SLC66A2: variants seen among roughly 807,000 people sequenced by gnomAD.
The protein encoded by SLC66A2 is PQ loop repeat containing 1.
A neutral mutation model predicts 25.5 loss-of-function variants in SLC66A2; 23 were observed. The ratio of observed to expected loss-of-function variants is 0.90; its 90% CI spans 0.65 to 1.28. The LOEUF (loss-of-function observed/expected upper bound fraction) is 1.28. Ranked by LOEUF, SLC66A2 falls within the 50% of genes most tolerant of loss-of-function variation. The pLI is 0.00. For synonymous variants in SLC66A2, 193 were observed against 166.5 expected (o/e 1.16, Z -1.23); for missense variants, 396 against 373.1 (o/e 1.06, Z -0.51).
intron 2 of SLC66A2, chr18:79,944,405 T>C: frequency 6.6e-6 from 1 of 151,494 alleles, no homozygotes. Context: ...CCCGAGCTCC[T>C]CTAGCTGCAG....
intron 2 of SLC66A2, among the ~76,000 whole-genome samples, chr18:79,947,059 G>C (rs539243127): frequency 6.6e-6 from 1 of 152,276 alleles, no homozygotes; most frequent in South Asian, 2.1e-4. Flanking sequence ...AAAATGTTAT[G>C]ACCTCTCTGA....
chr18:79,948,357 TTTTC>T (rs1471268395), intron 2 of SLC66A2, among the ~76,000 whole-genome samples: 4 of 143,876 alleles, frequency 2.8e-5, no homozygotes, highest in Non-Finnish European at 4.8e-5. Context: ...AGATAGATTC[TTTTC>T]TTTCTTTTTT....
In SLC66A2 at chr18:79,904,284, CA is replaced by C; in HGVS notation, c.609-102del. On this transcript the variant is annotated intron_variant, in intron 5 of 5. Coordinates refer to ENST00000397778, the MANE Select transcript of SLC66A2 (RefSeq NM_025078.5). The surrounding 1 kb of genome is among the most constrained non-coding windows in gnomAD (Gnocchi z 6.3). ...TTAGACAGCGGGGAGACCTGGGGCT[CA>C]GGGGCACCCAGGGGGCTAAGGGGAC... 1 of 1,025,272 alleles carries C rather than the reference CA, an allele frequency of 9.8e-7. No homozygotes were observed. Among genetic ancestry groups the C allele is most frequent in the Non-Finnish European group, 1.5e-6 (1 of 673,304 alleles). The allele number at this position is 1,025,272 out of a possible 1,614,324, so 63.5% of individuals were successfully genotyped here. A position where few individuals can be genotyped will look rare whatever the true frequency, so the allele number is the denominator to read the frequency against.
chr18:79,916,355 C>T (rs183841286), intron 5 of SLC66A2, among the ~76,000 whole-genome samples: 8 of 150,934 alleles, frequency 5.3e-5, no homozygotes, highest in East Asian at 3.9e-4. Context: ...CTTGTCATGA[C>T]GTTGGGGTGC....
chr18:79,911,287 CA>C (rs1983076676), intron 5 of SLC66A2, among the ~76,000 whole-genome samples: 1 of 152,252 alleles, frequency 6.6e-6, no homozygotes, highest in African/African-American at 2.4e-5. Flanking sequence ...CTGACGCCTC[CA>C]ACACACAGAA....
chr18:79,950,918 G>C lies in SLC66A2; in HGVS notation c.9C>G (p.Ala3=), dbSNP rs766217119. 1.7e-5 allele frequency: 26 copies of C among 1,563,538 alleles called. No homozygotes were observed. In the South Asian group the frequency reaches 2.9e-4, roughly 17 times the overall value. Residue 3 remains alanine, a synonymous_variant, in exon 2 of 6, where the codon GCC becomes GCG. Transcript: ENST00000397778. ...GCACCAGGAGCCAGTCCAGGCCCTC[G>C]GCCTCCATCGCAGCGCCCGCCTGGC... is the stretch of plus-strand genomic sequence containing the variant. ME[A]EGLDWLLVPL...
rs1324483719 is a variant in SLC66A2 at position 79,927,227 on chromosome 18, C to G, written c.391+6742G>C. 6.6e-6 allele frequency among the ~76,000 whole-genome samples: 1 copy of G among 152,056 alleles called. No individual in the cohort carries two copies. Among genetic ancestry groups the G allele is most frequent in the African/African-American group, 2.4e-5 (1 of 41,380 alleles). ...GGAACAAACAGGCACTGCCCAGACC[C>G]GGAGCTGCAGGCAGGGCTCAGCAGG... is the stretch of plus-strand genomic sequence containing the variant. On this transcript the variant is annotated intron_variant, in intron 4 of 5. Coordinates refer to ENST00000397778, the MANE Select transcript of SLC66A2 (RefSeq NM_025078.5). This position sits in a 1 kb window ranked among gnomAD's most constrained non-coding sequence, Gnocchi z 6.2.
rs2123287585 is a variant in SLC66A2 at position 79,917,226 on chromosome 18, C to T, written c.608+1958G>A. ...GGAAACTCGGGTTTGAAGAGGATTC[C>T]CACGTCCCCCCAGCTGACGGGGCAG... On this transcript the variant is annotated intron_variant, in intron 5 of 5. Coordinates refer to ENST00000397778, the MANE Select transcript of SLC66A2 (RefSeq NM_025078.5). This position sits in a 1 kb window ranked among gnomAD's most constrained non-coding sequence, Gnocchi z 6.0. Among the ~76,000 whole-genome samples, 1 of 152,366 alleles carries T rather than the reference C, an allele frequency of 6.6e-6. No individual in the cohort carries two copies. The highest frequency in any genetic ancestry group is 6.5e-5 in the Admixed American group (1 of 15,308).
intron 5 of SLC66A2, among the ~76,000 whole-genome samples, chr18:79,907,806 G>C (rs902744800): frequency 3.3e-5 from 5 of 151,852 alleles, no homozygotes; most frequent in African/African-American, 1.2e-4. Flanking sequence ...AGTGTGTAGG[G>C]GACCACGGAT....
chr18:79,947,474 G>A (rs1357386876), intron 2 of SLC66A2: 1 of 93,686 alleles, frequency 1.1e-5, no homozygotes, highest in Admixed American at 1.3e-4. Flanking sequence ...TGCCCAGAGG[G>A]ACTGGAGCTC....
In SLC66A2 at chr18:79,933,966, T is replaced by C. The variant is rs1986826036; in HGVS notation, c.391+3A>G. On this transcript the variant is annotated splice_donor_region_variant and intron_variant, in intron 4 of 5. Coordinates refer to ENST00000397778, the MANE Select transcript of SLC66A2 (RefSeq NM_025078.5). The stretch of plus-strand genomic sequence containing the variant: ...GCGGACAGTGCACGCGCAGGGTACA[T>C]ACCCAGGAAGGACCGCCTGGGGGCA... 4 of 1,611,398 alleles carry C rather than the reference T, an allele frequency of 2.5e-6. No individual in the cohort carries two copies. Among genetic ancestry groups the C allele is most frequent in the East Asian group, 2.2e-5 (1 of 44,832 alleles).
rs929863581 is a variant in SLC66A2, at chr18:79,916,311, G to A, written c.608+2873C>T. ...CCGTACCCGTGGTGCTCCCGTACCC[G>A]TGGTGCTCCCGTACCCACAGTGCTT... On this transcript the variant is annotated intron_variant, in intron 5 of 5. Coordinates refer to ENST00000397778, the MANE Select transcript of SLC66A2 (RefSeq NM_025078.5). Among the ~76,000 whole-genome samples, 28 of 137,992 alleles carry A rather than the reference G, an allele frequency of 2.0e-4. 2 individuals are homozygous for A. The highest frequency in any genetic ancestry group is 7.7e-4 in the South Asian group (3 of 3,904). The allele number at this position is 137,992 out of a possible 152,430, so 90.5% of individuals were successfully genotyped here.
intron 5 of SLC66A2, among the ~76,000 whole-genome samples, chr18:79,908,539 C>T (rs1160853162): frequency 2.0e-5 from 3 of 152,164 alleles, no homozygotes; most frequent in Non-Finnish European, 4.4e-5. Context: ...GAACTTCTTA[C>T]ATCTATGTTT....
At chr18:79,928,946 G>C (rs1986282787) in intron 4 of SLC66A2, among the ~76,000 whole-genome samples, 1 of 152,336 alleles carries the variant, frequency 6.6e-6, no homozygotes, top group East Asian at 1.9e-4. Context: ...GCAGCACTCA[G>C]AGCAGAGCTG....
chr18:79,946,331 T>A (rs989743159), intron 2 of SLC66A2, among the ~76,000 whole-genome samples: 1 of 152,264 alleles, frequency 6.6e-6, no homozygotes, highest in African/African-American at 2.4e-5. Flanking sequence ...GCAGCATTAG[T>A]AATTTTAAAA....
At chr18:79,916,011 A>AGTGCTCCCCGTACCCTCCCATACCCACG (rs1568301424) in intron 5 of SLC66A2, 2 of 188,664 alleles carry the variant, frequency 1.1e-5, no homozygotes, top group African/African-American at 5.2e-5. Flanking sequence ...TCATAGCCGC[A>AGTGCTCCCCGTACCCTCCCATACCCACG]GTGCTCCCGT....
chr18:79,939,865 T>G (rs1488614008), intron 3 of SLC66A2, among the ~76,000 whole-genome samples: 1 of 152,210 alleles, frequency 6.6e-6, no homozygotes, highest in Non-Finnish European at 1.5e-5. Context: ...ATCCCGGTAC[T>G]GGGTATAAAC....
intron 4 of SLC66A2, among the ~76,000 whole-genome samples, chr18:79,923,614 A>G (rs892660517): frequency 6.6e-5 from 10 of 152,186 alleles, no homozygotes; most frequent in Non-Finnish European, 1.2e-4. Flanking sequence ...AAAACCTACA[A>G]ATAAGACCTG....
intron 5 of SLC66A2, among the ~76,000 whole-genome samples, chr18:79,909,931 C>CAA (rs1166090819): frequency 8.1e-6 from 1 of 123,406 alleles, no homozygotes; most frequent in Non-Finnish European, 1.7e-5. Context: ...CACCATCTCA[C>CAA]CACAGTCCCC....
Sources: gnomAD v4.1 joint callset for allele counts (sites outside exome capture counted in the v4.1 genomes callset) on GRCh38, gnomAD v4.1.1 for gene constraint, Gnocchi (gnomAD v3.1) non-coding constraint, MANE v1.5 for transcripts, NCBI Gene and HGNC (gene_info 2026-07-23, HGNC 2026-07-21) for gene names.